Variants in APP observed in about 807,000 individuals in gnomAD.
APP encodes the protein amyloid-beta precursor protein.
In APP, 31 loss-of-function variants were observed where a neutral mutation model predicts 101.4. The observed-to-expected ratio is 0.31, with a 90% confidence interval of 0.23 to 0.41. APP has a LOEUF of 0.41. Ranked by LOEUF, APP falls within the 10% of genes least tolerant of loss-of-function variation. The probability of loss-of-function intolerance (pLI) is 1.00; values close to 1 mark genes in which losing one functional copy is unlikely to be tolerated. For missense variants in APP, 839 were observed against 1,003.7 expected (o/e 0.84, Z 2.22); for synonymous variants, 366 against 364.4 (o/e 1.00, Z -0.05).
chr21:26,139,097 C>T (rs1316099115), intron 1 of APP, among the ~76,000 whole-genome samples: 1 of 151,958 alleles, frequency 6.6e-6, no homozygotes, highest in East Asian at 1.9e-4. Flanking sequence ...GTATCTTGAA[C>T]TGCAGAGGCT....
intron 17 of APP, among the ~76,000 whole-genome samples, chr21:25,886,619 T>C (rs1163551771): frequency 6.6e-6 from 1 of 152,114 alleles, no homozygotes; most frequent in Non-Finnish European, 1.5e-5. Flanking sequence ...GGACTCGAAC[T>C]CCTAGCCTCA....
At chr21:26,101,741 G>C (rs1345974470) in intron 2 of APP, among the ~76,000 whole-genome samples, 1 of 152,166 alleles carries the variant, frequency 6.6e-6, no homozygotes, top group East Asian at 1.9e-4. Context: ...TTTTCTAAAA[G>C]TGTCTTGACC....
chr21:25,895,183 T>C (rs1045037642), intron 16 of APP, among the ~76,000 whole-genome samples: 49 of 152,096 alleles, frequency 3.2e-4, no homozygotes, highest in Middle Eastern at 3.4e-3. Context: ...AAACTTTTTT[T>C]TTTTTTTGAG....
chr21:25,998,097 A>G (rs1601157199), intron 7 of APP, among the ~76,000 whole-genome samples: 2 of 152,344 alleles, frequency 1.3e-5, no homozygotes, highest in East Asian at 3.9e-4. Context: ...AAGCAAATTC[A>G]TCACTGCTAA....
intron 6 of APP, among the ~76,000 whole-genome samples, chr21:26,007,349 T>C (rs1457799234): frequency 6.8e-6 from 1 of 147,900 alleles, no homozygotes; most frequent in Non-Finnish European, 1.5e-5. Flanking sequence ...ATAAACGTTA[T>C]AATTTATAAA....
At chr21:26,139,833 T>A (rs960964878) in intron 1 of APP, among the ~76,000 whole-genome samples, 1 of 152,102 alleles carries the variant, frequency 6.6e-6, no homozygotes, top group Non-Finnish European at 1.5e-5. Context: ...TGAGCCAATA[T>A]CGGGCCACTG....
At chr21:25,967,347 T>C (rs527396817) in intron 11 of APP, among the ~76,000 whole-genome samples, 24 of 152,320 alleles carry the variant, frequency 1.6e-4, no homozygotes, top group African/African-American at 5.5e-4. Context: ...GATAAACAGA[T>C]GTACAGGAAA....
At chr21:26,153,446 C>A (rs1261692456) in intron 1 of APP, among the ~76,000 whole-genome samples, 1 of 143,562 alleles carries the variant, frequency 7.0e-6, no homozygotes, top group Non-Finnish European at 1.5e-5. Context: ...AACGCAGATA[C>A]CCCTGTACCT....
intron 17 of APP, among the ~76,000 whole-genome samples, chr21:25,891,400 G>T (rs1206833167): frequency 2.0e-5 from 3 of 150,966 alleles, no homozygotes; most frequent in East Asian, 3.9e-4. Context: ...GGTTTTTGTT[G>T]CTTGTGTTTG....
At chr21:26,009,598 T>TTC (rs1164557506) in intron 6 of APP, 2 of 150,768 alleles carry the variant, frequency 1.3e-5, no homozygotes, top group African/African-American at 4.9e-5. Flanking sequence ...TTCTTTTCTT[T>TTC]TTTTTTTTTT....
chr21:26,166,745 G>A (rs967215553), intron 1 of APP, among the ~76,000 whole-genome samples: 4 of 152,180 alleles, frequency 2.6e-5, no homozygotes, highest in Admixed American at 2.0e-4. Flanking sequence ...CTCATACTCT[G>A]CCCATCAAGA....
At chr21:25,988,442 C>G in intron 8 of APP, among the ~76,000 whole-genome samples, 1 of 152,148 alleles carries the variant, frequency 6.6e-6, no homozygotes, top group East Asian at 1.9e-4. Context: ...TGGCTCACGC[C>G]TGTAATCCCA....
intron 11 of APP, among the ~76,000 whole-genome samples, chr21:25,960,433 A>G (rs1336189700): frequency 6.6e-6 from 1 of 152,114 alleles, no homozygotes; most frequent in Admixed American, 6.5e-5. Flanking sequence ...CCTGTTAAGA[A>G]TTCCTTGGTT....
intron 8 of APP, among the ~76,000 whole-genome samples, chr21:25,984,320 A>G (rs2042556848): frequency 6.6e-6 from 1 of 152,186 alleles, no homozygotes; most frequent in Admixed American, 6.5e-5. Context: ...AAATAAATAA[A>G]ATAGAACCAC....
chr21:25,967,929 G>A (rs1204928747), intron 11 of APP, among the ~76,000 whole-genome samples: 1 of 152,164 alleles, frequency 6.6e-6, no homozygotes, highest in Non-Finnish European at 1.5e-5. Flanking sequence ...GTTCTGGAGA[G>A]GCATTTAATT....
intron 3 of APP, among the ~76,000 whole-genome samples, chr21:26,063,410 A>C (rs1568928891): frequency 6.6e-6 from 1 of 152,202 alleles, no homozygotes; most frequent in Non-Finnish European, 1.5e-5. Context: ...CCAGATTTTA[A>C]TACTATTCTC....
At chr21:26,081,567 T>C (rs1397041584) in intron 3 of APP, among the ~76,000 whole-genome samples, 1 of 152,150 alleles carries the variant, frequency 6.6e-6, no homozygotes, top group African/African-American at 2.4e-5. Context: ...CATTTTCACT[T>C]CTTTTGTGAT....
intron 3 of APP, among the ~76,000 whole-genome samples, chr21:26,063,734 A>G (rs1275769534): frequency 6.6e-6 from 1 of 152,230 alleles, no homozygotes. Context: ...GCGCAGAAGA[A>G]TTCCAAATAA....
rs1430332582 is a variant in APP, at chr21:25,975,960, A to T, written c.1293T>A (p.Val431=). 4 of 1,613,532 alleles carry T rather than the reference A, an allele frequency of 2.5e-6. No individual in the cohort carries two copies. The highest frequency in any genetic ancestry group is 3.4e-6 in the Non-Finnish European group (4 of 1,179,634). ...AAATGGGTTCAGGTTTTACCTGGAT[A>T]ACTGCCTTCTTATCAGCTTTAGGCA... ...KNLPKADKKA[V]IQHFQEKVES... is the part of the protein sequence containing the mutation. The change falls in exon 10 of 18, where the codon GTT becomes GTA. Residue 431 remains valine (V), a synonymous_variant. Coordinates refer to ENST00000346798, the MANE Select transcript of APP (RefSeq NM_000484.4).
Sources: gnomAD v4.1 joint callset for allele counts (sites outside exome capture counted in the v4.1 genomes callset) on GRCh38, gnomAD v4.1.1 for gene constraint, MANE v1.5 for transcripts, NCBI Gene and HGNC (gene_info 2026-07-23, HGNC 2026-07-21) for gene names.